Variants in CIP2A observed in about 807,000 individuals in gnomAD.
CIP2A encodes the protein protein CIP2A.
A neutral mutation model predicts 110.9 loss-of-function variants in CIP2A; 103 were observed. The ratio of observed to expected loss-of-function variants is 0.93; its 90% confidence interval spans 0.79 to 1.09. The LOEUF (loss-of-function observed/expected upper bound fraction) is 1.09. CIP2A is among the 50% of genes least tolerant of loss of function. CIP2A has a pLI of 0.00. For synonymous variants in CIP2A, 381 were observed against 361.6 expected (o/e 1.05, Z -0.61); for missense variants, 1,088 against 1,038.4 (o/e 1.05, Z -0.66).
At position 108,559,994 on chromosome 3, in the gene CIP2A, T is replaced by A. The variant is rs1206771340; in HGVS notation, c.1862A>T (p.Asp621Val). Residue 621 changes from aspartate to valine, a missense_variant, in exon 15 of 21, where the codon GAC becomes GTC. Physicochemically the swap from Asp to Val is radical, Grantham distance 152 (BLOSUM62 -3). Coordinates refer to ENST00000295746, the MANE Select transcript of CIP2A (RefSeq NM_020890.3). ...TTTCATTTCATATACATCCATTATG[T>A]CAGATATTCTCACATCACAAATCTG... ...KDQICDVRIS[D>V]IMDVYEMKLS... The A allele has an allele frequency of 2.5e-6, 4 of 1,601,624 alleles. No individual in the cohort carries two copies. Among genetic ancestry groups the A allele is most frequent in the Admixed American group, 3.3e-5 (2 of 59,844 alleles).
chr3:108,585,557 AT>A, intron 1 of CIP2A: 2 of 388,008 alleles, frequency 5.2e-6, no homozygotes, highest in South Asian at 4.2e-5. Flanking sequence ...TCCTAGCAAT[AT>A]TTCTCCTTCA....
At position 108,568,329 on chromosome 3, in the gene CIP2A, A is replaced by G; in HGVS notation, c.1114-15T>C. 6.2e-7 allele frequency: 1 copy of G among 1,607,526 alleles called. No individual in the cohort carries two copies. The highest frequency in any genetic ancestry group is 8.5e-7 in the Non-Finnish European group (1 of 1,175,982). ...TCTATGACATCCTGGAGAATTATCCATCACAAATGATTAAAAGCAAAGATG... is the reference window on the plus strand; with the variant it reads ...TCTATGACATCCTGGAGAATTATCCGTCACAAATGATTAAAAGCAAAGATG... On this transcript the variant is annotated splice_polypyrimidine_tract_variant and intron_variant, in intron 9 of 20. Transcript: ENST00000295746.
intron 16 of CIP2A, among the ~76,000 whole-genome samples, chr3:108,558,095 T>C (rs1466736389): frequency 6.6e-6 from 1 of 152,106 alleles, no homozygotes; most frequent in Admixed American, 6.6e-5. Context: ...TATTAAACTC[T>C]CTAATAAAAT....
intron 17 of CIP2A, 103 bp downstream of exon 17, chr3:108,557,115 G>A (rs1469370930): frequency 1.5e-6 from 1 of 668,688 alleles, no homozygotes; most frequent in African/African-American, 1.8e-5. Context: ...TGTGTTATCA[G>A]AATATATGAA....
chr3:108,575,518 A>G (rs1372132083), intron 8 of CIP2A, among the ~76,000 whole-genome samples: 3 of 63,578 alleles, frequency 4.7e-5, no homozygotes, highest in African/African-American at 1.3e-4. Context: ...ATATACACAT[A>G]CATATATACA....
At chr3:108,568,007 T>C (rs1031161683) in intron 10 of CIP2A, 148 bp downstream of exon 10, 4 of 520,916 alleles carry the variant, frequency 7.7e-6, no homozygotes, top group African/African-American at 2.0e-5. Flanking sequence ...GAATTTTTTC[T>C]ACAGTTCAAA....
At chr3:108,586,574 T>TTG (rs1939047530) in intron 1 of CIP2A, among the ~76,000 whole-genome samples, 1 of 152,230 alleles carries the variant, frequency 6.6e-6, no homozygotes, top group Non-Finnish European at 1.5e-5. Flanking sequence ...CTAATACTTA[T>TTG]ACAGCACTTA....
intron 9 of CIP2A, among the ~76,000 whole-genome samples, chr3:108,568,540 A>G (rs1424691678): frequency 7.2e-5 from 11 of 152,044 alleles, no homozygotes; most frequent in Admixed American, 7.2e-4. Context: ...GGTTTTACAA[A>G]TAAGACTTTT....
At chr3:108,579,449 C>A (rs1192280879) in intron 6 of CIP2A, 23 bp from the exon 7 acceptor site, 1 of 1,580,084 alleles carries the variant, frequency 6.3e-7, no homozygotes, top group Non-Finnish European at 8.6e-7. Flanking sequence ...TTAGAAAAAG[C>A]ATATTAGACA....
chr3:108,579,237 T>C, intron 7 of CIP2A, 44 bp downstream of exon 7: 1 of 1,465,574 alleles, frequency 6.8e-7, no homozygotes, highest in Non-Finnish European at 9.4e-7. Flanking sequence ...CACATCTTGG[T>C]TTAAAAATAA....
chr3:108,557,616 G>C (rs1314962423), intron 16 of CIP2A, among the ~76,000 whole-genome samples: 1 of 151,926 alleles, frequency 6.6e-6, no homozygotes, highest in Non-Finnish European at 1.5e-5. Flanking sequence ...TACATTATCT[G>C]ATAAAAACAA....
intron 7 of CIP2A, among the ~76,000 whole-genome samples, chr3:108,576,878 T>A (rs1422257730): frequency 2.0e-5 from 3 of 152,156 alleles, no homozygotes; most frequent in Non-Finnish European, 4.4e-5. Flanking sequence ...ATTTGGGAGA[T>A]GGTGCCCTGA....
intron 13 of CIP2A, 39 bp downstream of exon 13, chr3:108,563,087 A>G: frequency 7.5e-7 from 1 of 1,332,932 alleles, no homozygotes; most frequent in Non-Finnish European, 1.1e-6. Context: ...AGGGTATTCC[A>G]ACACCACAAG....
At chr3:108,572,458 T>C (rs1273073231) in intron 8 of CIP2A, among the ~76,000 whole-genome samples, 1 of 152,030 alleles carries the variant, frequency 6.6e-6, no homozygotes, top group African/African-American at 2.4e-5. Context: ...ACCATACTTT[T>C]AAGACTCTAC....
intron 5 of CIP2A, 102 bp from the exon 6 acceptor site, chr3:108,579,790 A>C: frequency 1.9e-6 from 1 of 536,520 alleles, no homozygotes; most frequent in Non-Finnish European, 3.1e-6. Context: ...ATTAAACATC[A>C]TTATCAACTC....
intron 17 of CIP2A, 98 bp from the exon 18 acceptor site, chr3:108,554,587 A>T: frequency 3.4e-6 from 2 of 589,416 alleles, no homozygotes; most frequent in South Asian, 2.3e-5. Flanking sequence ...CTTCTAACCA[A>T]ATTGCATATG....
intron 8 of CIP2A, chr3:108,575,071 C>T (rs900313064): frequency 4.6e-5 from 7 of 152,112 alleles, no homozygotes; most frequent in Admixed American, 3.3e-4. Context: ...TGAGGGTGTT[C>T]ACTGTAATGT....
At chr3:108,553,608 C>T (rs771405897) in intron 19 of CIP2A, 40 bp downstream of exon 19, 1 of 1,508,446 alleles carries the variant, frequency 6.6e-7, no homozygotes, top group Non-Finnish European at 9.0e-7. Context: ...AAAATAAATA[C>T]ATTAAAAATA....
At chr3:108,565,504 G>T in intron 11 of CIP2A, 50 bp from the exon 12 acceptor site, 2 of 969,188 alleles carry the variant, frequency 2.1e-6, no homozygotes, top group Non-Finnish European at 3.1e-6. Context: ...ATTTCTTAGA[G>T]CTTGTTTCTG....
Sources: gnomAD v4.1 joint callset for allele counts (sites outside exome capture counted in the v4.1 genomes callset) on GRCh38, gnomAD v4.1.1 for gene constraint, MANE v1.5 for transcripts, NCBI Gene and HGNC (gene_info 2026-07-23, HGNC 2026-07-21) for gene names.